Variants in ZNF254 observed in about 807,000 individuals in gnomAD.
ZNF254 encodes zinc finger protein 254, also known as CTD-2017D11.1.
A neutral mutation model predicts 12.4 loss-of-function variants in ZNF254; 10 were observed. The ratio of observed to expected loss-of-function variants is 0.80; its 90% CI spans 0.50 to 1.36. The LOEUF (loss-of-function observed/expected upper bound fraction) is 1.36. ZNF254 is among the 40% of genes most tolerant of loss of function. The probability of loss-of-function intolerance (pLI) is 0.00; values close to 1 mark genes in which losing one functional copy is unlikely to be tolerated. For missense variants in ZNF254, 996 were observed against 763.9 expected (o/e 1.30, Z -3.58); for synonymous variants, 305 against 253.4 (o/e 1.20, Z -1.93).
rs146246650 is a variant in ZNF254, at chr19:24,121,971, T to C, written c.254-4283T>C. On this transcript the variant is annotated intron_variant, in intron 3 of 3. Transcript: ENST00000357002. ...AAATTCTTGTAATTTCAACATCCTA[T>C]TTATGAATCTATATGATTTTTGTGT... Among the ~76,000 whole-genome samples the C allele has an allele frequency of 1.6e-4, 25 of 152,274 alleles. No individual in the cohort carries two copies. In the East Asian group the frequency reaches 3.7e-3, roughly 22 times the overall value.
chr19:24,104,354 G>C (rs890509904), intron 1 of ZNF254: 1 of 152,116 alleles, frequency 6.6e-6, no homozygotes, highest in Non-Finnish European at 1.5e-5. Context: ...ATTTTTAAAG[G>C]CATATTGTCA....
chr19:24,120,924 A>G (rs970740924), intron 3 of ZNF254, among the ~76,000 whole-genome samples: 2 of 151,816 alleles, frequency 1.3e-5, no homozygotes, highest in African/African-American at 2.4e-5. Context: ...TTTTTTTTAT[A>G]TGCAAACTCT....
At chr19:24,040,769 A>G (rs1450858878) in intron 1 of ZNF254, among the ~76,000 whole-genome samples, 3 of 152,232 alleles carry the variant, frequency 2.0e-5, no homozygotes, top group South Asian at 4.1e-4. Context: ...AGACATTACT[A>G]CATTCTCCAG....
At chr19:24,104,597 C>T (rs1046203629) in intron 1 of ZNF254, 1 of 152,016 alleles carries the variant, frequency 6.6e-6, no homozygotes, top group African/African-American at 2.4e-5. Flanking sequence ...TTATGATAGT[C>T]GAGGGTGTCT....
At chr19:24,117,534 T>G (rs989796640) in intron 3 of ZNF254, among the ~76,000 whole-genome samples, 3 of 152,198 alleles carry the variant, frequency 2.0e-5, no homozygotes, top group African/African-American at 7.2e-5. Flanking sequence ...TGCGGTTATT[T>G]AAGCCCGTCG....
upstream of ZNF254, among the ~76,000 whole-genome samples, chr19:24,084,275 A>T (rs1317330647): frequency 6.6e-6 from 1 of 151,102 alleles, no homozygotes; most frequent in South Asian, 2.1e-4. Context: ...GAGTTGAAGA[A>T]CATTATTCTA....
intron 3 of ZNF254, among the ~76,000 whole-genome samples, chr19:24,126,010 G>GT (rs906776364): frequency 1.3e-5 from 2 of 152,018 alleles, no homozygotes; most frequent in East Asian, 1.9e-4. Context: ...TCTTCTTTGT[G>GT]TTTTTTTGCA....
At chr19:24,046,271 C>G (rs1970378401) in exon 2 of ZNF254, 1 of 151,302 alleles carries the variant, frequency 6.6e-6, no homozygotes, top group Non-Finnish European at 1.5e-5. Context: ...ACCATAGCTG[C>G]ACAGCCAGGT....
chr19:24,061,646 A>T (rs1971070975), intron 2 of ZNF254, among the ~76,000 whole-genome samples: 1 of 152,188 alleles, frequency 6.6e-6, no homozygotes, highest in East Asian at 1.9e-4. Flanking sequence ...CATCCAGGTA[A>T]TGTCACTCTC....
chr19:24,077,026 G>A (rs1971683566), intron 2 of ZNF254, among the ~76,000 whole-genome samples: 1 of 152,140 alleles, frequency 6.6e-6, no homozygotes, highest in South Asian at 2.1e-4. Flanking sequence ...ATCTCTCTGA[G>A]GCTCACCTGA....
intron 2 of ZNF254, chr19:24,046,387 A>ATATATATATATATATATATG (rs1291244719): frequency 6.0e-5 from 6 of 100,052 alleles, no homozygotes; most frequent in African/African-American, 2.1e-4. Flanking sequence ...ATATATATAT[A>ATATATATATATATATATATG]TATATATATA....
At chr19:24,062,107 A>G (rs906331117) in intron 2 of ZNF254, among the ~76,000 whole-genome samples, 1 of 151,208 alleles carries the variant, frequency 6.6e-6, no homozygotes, top group African/African-American at 2.4e-5. Flanking sequence ...AAAAAAGAAA[A>G]AGAAAAAGGA....
intron 3 of ZNF254, among the ~76,000 whole-genome samples, chr19:24,121,008 G>A (rs1037276443): frequency 5.9e-5 from 9 of 151,340 alleles, no homozygotes; most frequent in Admixed American, 5.9e-4. Flanking sequence ...TAAAACTGCA[G>A]GATTACAGGC....
intron 1 of ZNF254, among the ~76,000 whole-genome samples, chr19:24,094,164 T>C (rs1024534371): frequency 6.6e-6 from 1 of 152,266 alleles, no homozygotes. Flanking sequence ...TAAAGAGCTT[T>C]TCTATGAAGA....
At chr19:24,121,632 A>G (rs1974491211) in intron 3 of ZNF254, among the ~76,000 whole-genome samples, 1 of 152,044 alleles carries the variant, frequency 6.6e-6, no homozygotes, top group Non-Finnish European at 1.5e-5. Flanking sequence ...ATCTTGGCTC[A>G]CTGCAACCTC....
chr19:24,081,076 CA>C (rs112442439), intron 2 of ZNF254, among the ~76,000 whole-genome samples: 42,170 of 123,260 alleles, frequency 0.34, 7,516 homozygotes, highest in African/African-American at 0.57. Flanking sequence ...GACTCCTTCT[CA>C]AAAAAAAAAA....
intron 1 of ZNF254, among the ~76,000 whole-genome samples, chr19:24,041,516 G>A (rs571529322): frequency 3.9e-5 from 6 of 152,256 alleles, no homozygotes; most frequent in East Asian, 1.9e-4. Flanking sequence ...CCGGCGCTAC[G>A]CTCGATTTCT....
intron 2 of ZNF254, among the ~76,000 whole-genome samples, chr19:24,046,839 A>G (rs992560233): frequency 3.0e-5 from 4 of 134,830 alleles, no homozygotes; most frequent in African/African-American, 1.1e-4. Flanking sequence ...TTTAGGTTCT[A>G]TTTTTTTCAT....
intron 3 of ZNF254, among the ~76,000 whole-genome samples, chr19:24,118,455 A>C (rs1172611390): frequency 1.3e-5 from 2 of 151,950 alleles, no homozygotes; most frequent in African/African-American, 4.8e-5. Flanking sequence ...ATTTTTATGC[A>C]TTTCTCTATA....
Sources: allele counts gnomAD v4.1 joint callset (sites outside exome capture counted in the v4.1 genomes callset), GRCh38; gene constraint gnomAD v4.1.1; transcripts MANE v1.5; gene names NCBI Gene and HGNC (gene_info 2026-07-23, HGNC 2026-07-21).